Variants in SLC8A1 observed in about 807,000 individuals in gnomAD.
SLC8A1 encodes solute carrier family 8 member A1.
A neutral mutation model predicts 68.3 loss-of-function variants in SLC8A1; 18 were observed. That is an observed-to-expected ratio of 0.26 (90% CI 0.18 to 0.39). The LOEUF is 0.39. SLC8A1 is among the 10% of genes least tolerant of loss of function. The pLI is 1.00. For missense variants in SLC8A1, 985 were observed against 1,156.7 expected, an observed-to-expected ratio of 0.85 and a Z score of 2.15; for synonymous variants, 475 against 415.5, an observed-to-expected ratio of 1.14 and a Z score of -1.74.
At chr2:40,462,640 T>C (rs918869801) in intron 1 of SLC8A1, among the ~76,000 whole-genome samples, 1 of 151,622 alleles carries the variant, frequency 6.6e-6, no homozygotes, top group Non-Finnish European at 1.5e-5. Context: ...AGAACTCATC[T>C]CAATAAAAAA....
chr2:40,211,454 G>A lies in SLC8A1; in HGVS notation c.1809-33599C>T, dbSNP rs563666982. On this transcript the variant is annotated intron_variant, in intron 2 of 7. Coordinates refer to ENST00000406785, the Ensembl canonical transcript of SLC8A1. The stretch of plus-strand genomic sequence containing the variant: ...AGGTATAGATGGGAAAGTCATCAAT[G>A]CTGAAGTGATAGTCATTATGTGGAA... Among the ~76,000 whole-genome samples the A allele has an allele frequency of 5.3e-5, 8 of 152,288 alleles. No homozygotes were observed. The East Asian group carries it at 1.2e-3, about 22-fold the overall frequency.
At chr2:40,466,160 C>T (rs180921236) in intron 1 of SLC8A1, among the ~76,000 whole-genome samples, 9 of 151,994 alleles carry the variant, frequency 5.9e-5, no homozygotes, top group East Asian at 1.9e-4. Flanking sequence ...AAATTGAGTC[C>T]GAAGGAATTG....
chr2:40,507,816 T>C (rs906975153), intron 1 of SLC8A1, among the ~76,000 whole-genome samples: 1 of 152,078 alleles, frequency 6.6e-6, no homozygotes, highest in African/African-American at 2.4e-5. Context: ...AAAACCTTCA[T>C]ACATATCAAG....
intron 6 of SLC8A1, among the ~76,000 whole-genome samples, chr2:40,158,224 C>A (rs965098940): frequency 1.3e-5 from 2 of 152,146 alleles, no homozygotes; most frequent in African/African-American, 4.8e-5. Context: ...GAAAGTCTGA[C>A]TTCAATAAAT....
chr2:40,383,579 G>C (rs1052361338), intron 2 of SLC8A1, among the ~76,000 whole-genome samples: 2 of 152,000 alleles, frequency 1.3e-5, no homozygotes, highest in Non-Finnish European at 2.9e-5. Context: ...GTACTCACTA[G>C]AGAAGTAGGT....
chr2:40,112,993 C>T (rs2034750120), exon 8 of SLC8A1: 2 of 152,164 alleles, frequency 1.3e-5, no homozygotes, highest in Admixed American at 1.3e-4. Flanking sequence ...ATTGTTTTTT[C>T]TTGCAAGATA....
At chr2:40,289,796 G>A (rs181703228) in intron 2 of SLC8A1, among the ~76,000 whole-genome samples, 1 of 152,086 alleles carries the variant, frequency 6.6e-6, no homozygotes, top group Non-Finnish European at 1.5e-5. Flanking sequence ...AGGAGGTGGA[G>A]GTTGCAGTGA....
exon 8 of SLC8A1, chr2:40,107,798 C>T (rs541864123): frequency 4.7e-4 from 71 of 152,276 alleles, no homozygotes; most frequent in African/African-American, 1.5e-3. Context: ...TATGCTGTAG[C>T]AAGAGAGGGG....
chr2:40,253,287 T>C (rs1204707372), intron 2 of SLC8A1, among the ~76,000 whole-genome samples: 2 of 150,622 alleles, frequency 1.3e-5, no homozygotes, highest in Non-Finnish European at 3.0e-5. Context: ...GACGTATATA[T>C]GTGTATATAC....
At chr2:40,396,534 A>G (rs1033174316) in intron 2 of SLC8A1, among the ~76,000 whole-genome samples, 3 of 152,124 alleles carry the variant, frequency 2.0e-5, no homozygotes, top group African/African-American at 7.2e-5. Flanking sequence ...AGACTGCATC[A>G]AAGCATAACA....
intron 7 of SLC8A1, among the ~76,000 whole-genome samples, chr2:40,135,728 A>G (rs1256071922): frequency 6.6e-6 from 1 of 152,156 alleles, no homozygotes; most frequent in Non-Finnish European, 1.5e-5. Context: ...AAAAAAACAT[A>G]AATACAATTA....
chr2:40,503,607 G>C (rs1241831960), intron 1 of SLC8A1, among the ~76,000 whole-genome samples: 2 of 151,948 alleles, frequency 1.3e-5, no homozygotes, highest in Non-Finnish European at 2.9e-5. Context: ...ATTTAGTAAA[G>C]TTGCAAGACA....
chr2:40,195,814 G>A (rs1353397728), intron 2 of SLC8A1: 1 of 152,092 alleles, frequency 6.6e-6, no homozygotes, highest in African/African-American at 2.4e-5. Flanking sequence ...TATTTGTCAT[G>A]CATTCTGAAG....
chr2:40,174,613 A>G, intron 4 of SLC8A1, 93 bp downstream of exon 6: 2 of 1,175,714 alleles, frequency 1.7e-6, no homozygotes, highest in Non-Finnish European at 2.4e-6. Flanking sequence ...TGCCACAGTT[A>G]AATATTAATG....
chr2:40,503,247 T>C (rs1706154780), intron 1 of SLC8A1, among the ~76,000 whole-genome samples: 1 of 152,064 alleles, frequency 6.6e-6, no homozygotes, highest in South Asian at 2.1e-4. Context: ...ACTTTGCATA[T>C]GCTGCTCCCT....
intron 1 of SLC8A1, among the ~76,000 whole-genome samples, chr2:40,461,197 A>T (rs1220700295): frequency 6.6e-6 from 1 of 152,204 alleles, no homozygotes; most frequent in African/African-American, 2.4e-5. Context: ...TATTATAGGA[A>T]AAAAATCATT....
At chr2:40,135,491 G>T (rs147743618) in intron 7 of SLC8A1, among the ~76,000 whole-genome samples, 12 of 152,168 alleles carry the variant, frequency 7.9e-5, no homozygotes, top group African/African-American at 2.7e-4. Flanking sequence ...GGGGTGGCAG[G>T]GGGATCACCT....
intron 2 of SLC8A1, among the ~76,000 whole-genome samples, chr2:40,221,695 T>A (rs1009959362): frequency 3.9e-5 from 6 of 152,198 alleles, no homozygotes; most frequent in African/African-American, 1.4e-4. Flanking sequence ...ACAAAATCAA[T>A]GTGCAAAAAT....
chr2:40,227,218 G>A (rs536333256), intron 2 of SLC8A1, among the ~76,000 whole-genome samples: 3 of 151,790 alleles, frequency 2.0e-5, no homozygotes, highest in Non-Finnish European at 4.4e-5. Flanking sequence ...AGTTAATATA[G>A]TCTCCACAGC....
Sources: allele counts gnomAD v4.1 joint callset (sites outside exome capture counted in the v4.1 genomes callset), GRCh38; gene constraint gnomAD v4.1.1; transcripts MANE v1.5; gene names NCBI Gene and HGNC (gene_info 2026-07-23, HGNC 2026-07-21).